KCNIP1: variants seen among roughly 807,000 people sequenced by gnomAD.
KCNIP1 encodes potassium voltage-gated channel interacting protein 1.
KCNIP1 carries 18 observed loss-of-function variants against 33.0 expected under a neutral mutation model. That is an observed-to-expected ratio of 0.55 (90% CI 0.38 to 0.81). The LOEUF is 0.81. Ranked by LOEUF, KCNIP1 falls within the 30% of genes least tolerant of loss-of-function variation. KCNIP1 has a pLI of 0.00. For missense variants in KCNIP1, 238 were observed against 271.6 expected (o/e 0.88, Z 0.87); for synonymous variants, 93 against 98.3 (o/e 0.95, Z 0.32).
At chr5:170,602,442 G>A (rs942146320) in intron 1 of KCNIP1, among the ~76,000 whole-genome samples, 1 of 152,248 alleles carries the variant, frequency 6.6e-6, no homozygotes, top group Non-Finnish European at 1.5e-5. Flanking sequence ...TCTGGGGCAG[G>A]TGCCCAGTTA....
chr5:170,525,673 T>C (rs114663892), intron 1 of KCNIP1, among the ~76,000 whole-genome samples: 1,760 of 152,286 alleles, frequency 0.012, 38 homozygotes, highest in African/African-American at 0.04. Context: ...CCAAACATGG[T>C]GACAAGCCCC....
At chr5:170,598,908 T>TGTGTGTGTGTGTGTGTGTGTGTGCGC (rs1561709595) in intron 1 of KCNIP1, among the ~76,000 whole-genome samples, 8 of 138,730 alleles carry the variant, frequency 5.8e-5, no homozygotes, top group African/African-American at 2.1e-4. Flanking sequence ...TGTGCGCGTG[T>TGTGTGTGTGTGTGTGTGTGTGTGCGC]GTGTGTGTGT....
intron 1 of KCNIP1, among the ~76,000 whole-genome samples, chr5:170,392,168 G>A (rs1754615031): frequency 6.6e-6 from 1 of 152,162 alleles, no homozygotes; most frequent in African/African-American, 2.4e-5. Context: ...CCTCAGCTCA[G>A]ATCTCAGCCA....
At chr5:170,371,182 T>C (rs1424471019) in intron 1 of KCNIP1, among the ~76,000 whole-genome samples, 3 of 152,234 alleles carry the variant, frequency 2.0e-5, no homozygotes, top group Admixed American at 6.5e-5. Context: ...TGGGTTCCAG[T>C]TGGGCGTGTG....
chr5:170,456,003 T>C (rs1360296932), intron 1 of KCNIP1, among the ~76,000 whole-genome samples: 1 of 152,200 alleles, frequency 6.6e-6, no homozygotes, highest in Non-Finnish European at 1.5e-5. Context: ...TAAAGACACA[T>C]GCATACATAT....
chr5:170,500,179 C>T (rs912734125), upstream of KCNIP1, among the ~76,000 whole-genome samples: 43 of 152,132 alleles, frequency 2.8e-4, 1 homozygote, highest in Non-Finnish European at 2.9e-5. Flanking sequence ...GGAGTCTCTC[C>T]TTGTAAGGAC....
chr5:170,400,671 G>T (rs779641685), intron 1 of KCNIP1, among the ~76,000 whole-genome samples: 2 of 152,180 alleles, frequency 1.3e-5, no homozygotes, highest in Non-Finnish European at 2.9e-5. Flanking sequence ...CTTTGAAGTG[G>T]TTACTGTGGT....
intron 1 of KCNIP1, among the ~76,000 whole-genome samples, chr5:170,443,409 A>C (rs1001819762): frequency 6.6e-6 from 1 of 152,158 alleles, no homozygotes; most frequent in Admixed American, 6.5e-5. Flanking sequence ...AAACCAATTC[A>C]TGGAAGTGGG....
chr5:170,680,287 C>G (rs1402494205), intron 1 of KCNIP1, among the ~76,000 whole-genome samples: 2 of 152,126 alleles, frequency 1.3e-5, no homozygotes, highest in Admixed American at 6.5e-5. Flanking sequence ...GCTGACAATC[C>G]AGTGTACGAA....
At chr5:170,585,473 C>G (rs190340172) in intron 1 of KCNIP1, among the ~76,000 whole-genome samples, 1 of 152,298 alleles carries the variant, frequency 6.6e-6, no homozygotes, top group East Asian at 1.9e-4. Flanking sequence ...CCTCTCAGCC[C>G]CACTCCTCGT....
chr5:170,725,978 A>C (rs1333993597), intron 5 of KCNIP1, among the ~76,000 whole-genome samples: 1 of 152,222 alleles, frequency 6.6e-6, no homozygotes, highest in African/African-American at 2.4e-5. Context: ...ATAAACATCA[A>C]CTTGGAATGG....
At chr5:170,515,919 C>T (rs1581261629) in intron 1 of KCNIP1, among the ~76,000 whole-genome samples, 1 of 152,046 alleles carries the variant, frequency 6.6e-6, no homozygotes, top group Non-Finnish European at 1.5e-5. Flanking sequence ...AGGGGTTGGC[C>T]CAGGCAAGAA....
upstream of KCNIP1, among the ~76,000 whole-genome samples, chr5:170,499,209 T>C (rs1375141973): frequency 6.6e-6 from 1 of 152,200 alleles, no homozygotes; most frequent in Non-Finnish European, 1.5e-5. Context: ...AGTCTTTTAA[T>C]ACCAGATGGG....
intron 1 of KCNIP1, among the ~76,000 whole-genome samples, chr5:170,390,517 A>AAAAATATATATATATATATATATATATAT: frequency 1.2e-4 from 9 of 74,536 alleles, no homozygotes; most frequent in African/African-American, 2.6e-4. Context: ...AAAAAAAACA[A>AAAAATATATATATATATATATATATATAT]ATATATATAT....
chr5:170,460,700 A>G (rs1756485177), intron 1 of KCNIP1, among the ~76,000 whole-genome samples: 2 of 152,206 alleles, frequency 1.3e-5, no homozygotes, highest in Admixed American at 6.5e-5. Flanking sequence ...TCAGTGTAAT[A>G]AAAGTCATCT....
Position 170,390,517 on chromosome 5 carries a change from A to ATAT in KCNIP1, c.88+36553_88+36554insTAT, listed in dbSNP as rs1554088941. ...GACCCCGTCTCAAAAAAAAAAAACA[A>ATAT]ATATATATATATATATATATATTTT... On this transcript the variant is annotated intron_variant, in intron 1 of 7. Transcript: ENST00000377360. Among the ~76,000 whole-genome samples the ATAT allele has an allele frequency of 3.7e-3, 272 of 74,494 alleles. 23 individuals carry two copies. The highest frequency in any genetic ancestry group is 0.012 in the African/African-American group (188 of 15,598). 48.9% of individuals were successfully genotyped at this position (74,494 alleles called of 152,430 possible).
intron 1 of KCNIP1, among the ~76,000 whole-genome samples, chr5:170,544,571 C>G (rs1561678909): frequency 6.6e-6 from 1 of 152,026 alleles, no homozygotes. Flanking sequence ...TTATTTTTAG[C>G]ACCTTCCTAT....
At chr5:170,727,167 A>G (rs1764039020) in intron 5 of KCNIP1, among the ~76,000 whole-genome samples, 1 of 152,258 alleles carries the variant, frequency 6.6e-6, no homozygotes, top group Non-Finnish European at 1.5e-5. Context: ...TATGAAGCTC[A>G]TAAACCTCAT....
intron 1 of KCNIP1, among the ~76,000 whole-genome samples, chr5:170,472,569 C>G (rs1373228767): frequency 6.7e-6 from 1 of 149,784 alleles, no homozygotes; most frequent in Non-Finnish European, 1.5e-5. Context: ...AATCTTTTAT[C>G]CCTCGCCCCC....
Sources: gnomAD v4.1 joint callset for allele counts (sites outside exome capture counted in the v4.1 genomes callset) on GRCh38, gnomAD v4.1.1 for gene constraint, MANE v1.5 for transcripts, NCBI Gene and HGNC (gene_info 2026-07-23, HGNC 2026-07-21) for gene names.